The following SCNN1B variants were observed in gnomAD, a reference collection of about 807,000 sequenced individuals.
SCNN1B encodes the protein sodium channel epithelial 1 subunit beta.
SCNN1B carries 46 observed loss-of-function variants against 65.3 expected under a neutral mutation model. That is an observed-to-expected ratio of 0.70 (90% CI 0.56 to 0.90). The LOEUF (loss-of-function observed/expected upper bound fraction) is 0.90, where lower values mean the gene tolerates loss of function less well. Ranked by LOEUF, SCNN1B falls within the 40% of genes least tolerant of loss-of-function variation. The pLI is 0.00. For synonymous variants in SCNN1B, 349 were observed against 330.6 expected (o/e 1.06, Z -0.60); for missense variants, 751 against 830.5 (o/e 0.90, Z 1.18).
chr16:23,339,915 T>C (rs981571590), intron 1 of SCNN1B, among the ~76,000 whole-genome samples: 5 of 152,082 alleles, frequency 3.3e-5, no homozygotes, highest in African/African-American at 1.2e-4. Flanking sequence ...ACTGTACCAT[T>C]TTGCATTCCA....
At chr16:23,295,769 G>T (rs1041375559) in intron 2 of SCNN1B, among the ~76,000 whole-genome samples, 3 of 152,140 alleles carry the variant, frequency 2.0e-5, no homozygotes, top group African/African-American at 7.2e-5. Flanking sequence ...GGGTAGTACA[G>T]TGTTAGAGCC....
chr16:23,299,131 C>G (rs1038531958), upstream of SCNN1B, among the ~76,000 whole-genome samples: 5 of 148,618 alleles, frequency 3.4e-5, no homozygotes, highest in South Asian at 8.5e-4. Context: ...ACAATCTTGG[C>G]TCACTGCAAC....
intron 1 of SCNN1B, among the ~76,000 whole-genome samples, chr16:23,313,308 G>A (rs1961383046): frequency 6.6e-6 from 1 of 152,134 alleles, no homozygotes; most frequent in African/African-American, 2.4e-5. Context: ...TGAACTACCA[G>A]TAGGGCCCCA....
intron 2 of SCNN1B, among the ~76,000 whole-genome samples, chr16:23,288,350 T>A (rs1960880265): frequency 6.6e-6 from 1 of 152,200 alleles, no homozygotes; most frequent in South Asian, 2.1e-4. Context: ...ATAAGTCAGT[T>A]CCCTAGTGTA....
At chr16:23,379,544 G>A (rs1962992607) in intron 11 of SCNN1B, among the ~76,000 whole-genome samples, 1 of 152,156 alleles carries the variant, frequency 6.6e-6, no homozygotes, top group Admixed American at 6.5e-5. Flanking sequence ...TGGAAAGCCT[G>A]GAGGCACGAG....
At chr16:23,301,819 G>C (rs72652268), upstream of SCNN1B, among the ~76,000 whole-genome samples, 1 of 152,170 alleles carries the variant, frequency 6.6e-6, no homozygotes, top group African/African-American at 2.4e-5. Context: ...AAGAGGCGGA[G>C]GGAAGAACGT....
chr16:23,342,759 C>T (rs1038378127), intron 1 of SCNN1B, among the ~76,000 whole-genome samples: 12 of 151,992 alleles, frequency 7.9e-5, no homozygotes, highest in Non-Finnish European at 1.8e-4. Flanking sequence ...GCCTGCAGGC[C>T]GCAGGATGGA....
intron 1 of SCNN1B, among the ~76,000 whole-genome samples, chr16:23,339,566 T>A (rs1178091209): frequency 6.6e-6 from 1 of 151,528 alleles, no homozygotes; most frequent in East Asian, 1.9e-4. Flanking sequence ...TTATTTTTAT[T>A]ATTATTATTA....
Position 23,348,572 on chromosome 16 carries a change from G to A in SCNN1B, c.-8-20G>A, listed in dbSNP as rs563704130. 45 of 1,611,114 alleles carry A rather than the reference G, an allele frequency of 2.8e-5. No homozygotes were observed. Among genetic ancestry groups the A allele is most frequent in the Admixed American group, 8.3e-5 (5 of 59,986 alleles). On this transcript the variant is annotated intron_variant, in intron 1 of 12. Transcript: ENST00000343070. The surrounding 1 kb of genome is among the most constrained non-coding windows in gnomAD (Gnocchi z 4.5). ...AAGGCTGGTGTCCCAGCTGATGTGC[G>A]TCCCCATGCCTCTCTGCAGGTGCCA...
chr16:23,344,132 T>C (rs1025028364), intron 1 of SCNN1B, among the ~76,000 whole-genome samples: 8 of 152,250 alleles, frequency 5.3e-5, no homozygotes, highest in Admixed American at 5.2e-4. Context: ...TCCCCTTTTT[T>C]TACTTAAGCA....
At chr16:23,333,031 A>T (rs1961847730) in intron 1 of SCNN1B, among the ~76,000 whole-genome samples, 1 of 150,102 alleles carries the variant, frequency 6.7e-6, no homozygotes, top group African/African-American at 2.4e-5. Context: ...AAATCGCCCC[A>T]TTGCACTCCA....
intron 2 of SCNN1B, among the ~76,000 whole-genome samples, chr16:23,285,354 T>C (rs11859125): frequency 0.086 from 13,074 of 152,240 alleles, 742 homozygotes; most frequent in East Asian, 0.28. Context: ...TTATTTTTTG[T>C]AGAGGTAGGG....
intron 1 of SCNN1B, among the ~76,000 whole-genome samples, chr16:23,326,058 G>C (rs59289102): frequency 0.17 from 25,513 of 151,876 alleles, 2,823 homozygotes; most frequent in African/African-American, 0.29. Flanking sequence ...CTGGGCAACA[G>C]AGCAAGACCT....
chr16:23,327,723 C>T (rs1306074901), intron 1 of SCNN1B, among the ~76,000 whole-genome samples: 1 of 152,082 alleles, frequency 6.6e-6, no homozygotes, highest in Non-Finnish European at 1.5e-5. Flanking sequence ...ATGTGGTCAC[C>T]TCTCAAACCA....
chr16:23,318,644 T>C (rs1486798839), intron 1 of SCNN1B, among the ~76,000 whole-genome samples: 1 of 152,050 alleles, frequency 6.6e-6, no homozygotes, highest in East Asian at 1.9e-4. Context: ...ACTATAATAA[T>C]ATGCATGAGT....
rs779033254 is a variant in SCNN1B, at chr16:23,352,850, G to A, written c.361G>A (p.Ala121Thr). The A allele has an allele frequency of 1.2e-6, 2 of 1,614,188 alleles. No individual in the cohort carries two copies. Among genetic ancestry groups the A allele is most frequent in the East Asian group, 4.5e-5 (2 of 44,886 alleles). The change falls in exon 3 of 13, where the codon GCT becomes ACT. Residue 121 changes from alanine (A) to threonine (T), a missense_variant. Transcript: ENST00000343070. ...GAAGGACCTGGATGAGCTGATGGAA[G>A]CTGTCCTGGAGAGAATCCTGGCTCC... ...LLKDLDELME[A>T]VLERILAPEL...
At chr16:23,284,447 A>T (rs1181180235) in intron 2 of SCNN1B, among the ~76,000 whole-genome samples, 1 of 152,142 alleles carries the variant, frequency 6.6e-6, no homozygotes, top group African/African-American at 2.4e-5. Context: ...AATAAATAAA[A>T]TAAAATGGCA....
chr16:23,333,346 G>C (rs1961869358), intron 1 of SCNN1B, among the ~76,000 whole-genome samples: 1 of 152,218 alleles, frequency 6.6e-6, no homozygotes, highest in Non-Finnish European at 1.5e-5. Context: ...GACAACTAGA[G>C]ACCTTGGGGA....
At chr16:23,377,593 CCCTTCCTTCCTTCCTTCTTTCTT>C (rs1345633771) in intron 10 of SCNN1B, among the ~76,000 whole-genome samples, 59 of 136,628 alleles carry the variant, frequency 4.3e-4, no homozygotes, top group African/African-American at 1.7e-3. Context: ...CCTCCCTTCT[CCCTTCCTTCCTTCCTTCTTTCTT>C]CCTTCCTTCA....
Sources: gnomAD v4.1 joint callset for allele counts (sites outside exome capture counted in the v4.1 genomes callset) on GRCh38, gnomAD v4.1.1 for gene constraint, Gnocchi (gnomAD v3.1) non-coding constraint, MANE v1.5 for transcripts, NCBI Gene and HGNC (gene_info 2026-07-23, HGNC 2026-07-21) for gene names.